The following FYN variants were observed in gnomAD, a reference collection of about 807,000 sequenced individuals.
The protein encoded by FYN is FYN proto-oncogene, Src family tyrosine kinase.
FYN carries 10 observed loss-of-function variants against 70.2 expected under a neutral mutation model. That is an observed-to-expected ratio of 0.14 (90% CI 0.09 to 0.24). The LOEUF is 0.24. Ranked by LOEUF, FYN falls within the 10% of genes least tolerant of loss-of-function variation. The pLI, the probability that FYN is intolerant of heterozygous loss-of-function variation, is 1.00. For synonymous variants in FYN, 236 were observed against 248.6 expected (o/e 0.95, Z 0.48); for missense variants, 319 against 673.1 (o/e 0.47, Z 5.82).
At chr6:111,769,549 G>C (rs1249839870) in intron 3 of FYN, among the ~76,000 whole-genome samples, 1 of 152,058 alleles carries the variant, frequency 6.6e-6, no homozygotes, top group Non-Finnish European at 1.5e-5. Context: ...TGACATATTG[G>C]GAGACTATTT....
intron 2 of FYN, among the ~76,000 whole-genome samples, chr6:111,797,665 C>CAT (rs57984132): frequency 0.017 from 1,513 of 90,370 alleles, 32 homozygotes; most frequent in Non-Finnish European, 0.03. Context: ...ATCAAAGTTT[C>CAT]ATATATATAT....
chr6:111,709,466 G>T (rs1167157681), intron 5 of FYN, among the ~76,000 whole-genome samples: 1 of 152,190 alleles, frequency 6.6e-6, no homozygotes, highest in Non-Finnish European at 1.5e-5. Context: ...TGGGGGTGCT[G>T]CTGTGGGAAA....
Position 111,691,266 on chromosome 6 carries a change from G to C in FYN, c.1273+3109C>G, listed in dbSNP as rs547029811. On this transcript the variant is annotated intron_variant, in intron 12 of 13. Coordinates refer to ENST00000354650, the MANE Select transcript of FYN (RefSeq NM_002037.5). ...CCAGCTCCACACTCCAATTCTGCTT[G>C]TGCCCTATGCAATGCCACCTCATCT... 7.3e-4 allele frequency among the ~76,000 whole-genome samples: 111 copies of C among 152,300 alleles called. 1 individual carries two copies. In the South Asian group the frequency reaches 0.021, roughly 29 times the overall value.
chr6:111,661,352 CT>C lies in FYN; in HGVS notation c.*386del, dbSNP rs879303037. The C allele has an allele frequency of 7.6e-3, 1,143 of 150,544 alleles. No homozygotes were observed. The highest frequency in any genetic ancestry group is 0.013 in the Middle Eastern group (4 of 298). 9.3% of individuals were successfully genotyped at this position (150,544 alleles called of 1,614,324 possible). On this transcript the variant is annotated 3_prime_UTR_variant, in exon 14 of 14. Coordinates refer to ENST00000354650, the MANE Select transcript of FYN (RefSeq NM_002037.5). The surrounding 1 kb of genome is among the most constrained non-coding windows in gnomAD (Gnocchi z 4.0). The stretch of plus-strand genomic sequence containing the variant: ...AAGAGGCCACTTTTGGAAAATAATA[CT>C]TTTTTTTTTTTAGTTGAATCAGGTG...
intron 3 of FYN, among the ~76,000 whole-genome samples, chr6:111,762,442 A>G (rs1311197823): frequency 6.6e-6 from 1 of 152,186 alleles, no homozygotes; most frequent in African/African-American, 2.4e-5. Context: ...GGTGGGGGTC[A>G]GATATGCCTT....
At chr6:111,863,931 T>A (rs34718281) in intron 1 of FYN, among the ~76,000 whole-genome samples, 1 of 152,182 alleles carries the variant, frequency 6.6e-6, no homozygotes. Flanking sequence ...TCCTTCCTTG[T>A]CTTCCAGAGC....
chr6:111,699,321 A>C (rs1158005070), intron 9 of FYN, among the ~76,000 whole-genome samples: 1 of 152,114 alleles, frequency 6.6e-6, no homozygotes, highest in Non-Finnish European at 1.5e-5. Flanking sequence ...CGGGTGCCTT[A>C]ATTAACCACA....
chr6:111,856,300 T>A (rs2114506126), intron 1 of FYN, among the ~76,000 whole-genome samples: 1 of 152,348 alleles, frequency 6.6e-6, no homozygotes, highest in South Asian at 2.1e-4. Flanking sequence ...TGAGAAATAT[T>A]GTGATGTACA....
chr6:111,756,808 CAGA>C (rs1802757485), intron 3 of FYN, among the ~76,000 whole-genome samples: 1 of 152,120 alleles, frequency 6.6e-6, no homozygotes, highest in Non-Finnish European at 1.5e-5. Flanking sequence ...AAACTAGGAT[CAGA>C]AGGGGACTTT....
chr6:111,872,815 C>T (rs1189708722), intron 1 of FYN, among the ~76,000 whole-genome samples, 153 bp downstream of exon 1: 2 of 151,644 alleles, frequency 1.3e-5, no homozygotes, highest in Non-Finnish European at 2.9e-5. Context: ...CCCCAAGCAC[C>T]GACTCCCCGG....
intron 3 of FYN, among the ~76,000 whole-genome samples, chr6:111,721,572 T>A (rs1800947043): frequency 6.6e-6 from 1 of 151,862 alleles, no homozygotes; most frequent in African/African-American, 2.4e-5. Context: ...CCCAGCTAAT[T>A]TTTTGTATTT....
At chr6:111,700,327 A>G in intron 8 of FYN, 59 bp from the exon 9 acceptor site, 1 of 1,575,330 alleles carries the variant, frequency 6.3e-7, no homozygotes. Flanking sequence ...TGTAATGACA[A>G]CACTCATAAG....
chr6:111,778,516 C>T (rs1771038523), intron 3 of FYN, among the ~76,000 whole-genome samples: 1 of 152,024 alleles, frequency 6.6e-6, no homozygotes, highest in Non-Finnish European at 1.5e-5. Flanking sequence ...CCTCCCTCCT[C>T]CCTCTCTCCT....
intron 13 of FYN, among the ~76,000 whole-genome samples, chr6:111,666,636 C>G (rs1299739345): frequency 1.3e-5 from 2 of 152,156 alleles, no homozygotes; most frequent in African/African-American, 4.8e-5. Context: ...AGTTCGAGAC[C>G]AGCGTGGGCA....
chr6:111,664,475 TAA>T (rs976874563), intron 13 of FYN, among the ~76,000 whole-genome samples: 2 of 151,524 alleles, frequency 1.3e-5, no homozygotes, highest in Non-Finnish European at 2.9e-5. Flanking sequence ...AGATTTCACT[TAA>T]AAAAAAAGTT....
At chr6:111,719,019 A>C (rs933110279) in intron 4 of FYN, among the ~76,000 whole-genome samples, 2 of 152,190 alleles carry the variant, frequency 1.3e-5, no homozygotes, top group Non-Finnish European at 2.9e-5. Flanking sequence ...GATTCTTTCA[A>C]ACTTTTATAT....
chr6:111,826,365 T>C (rs948478917), intron 2 of FYN, among the ~76,000 whole-genome samples: 11 of 147,572 alleles, frequency 7.5e-5, no homozygotes, highest in Non-Finnish European at 1.5e-4. Context: ...TATGTGTATA[T>C]GTGTATGTAT....
chr6:111,789,594 A>C (rs1388858911), intron 2 of FYN, among the ~76,000 whole-genome samples: 2 of 152,228 alleles, frequency 1.3e-5, no homozygotes, highest in Admixed American at 1.3e-4. Flanking sequence ...TGCTTCTATG[A>C]GACTCATGAG....
chr6:111,788,586 T>C (rs1479403112), intron 2 of FYN, among the ~76,000 whole-genome samples: 1 of 152,238 alleles, frequency 6.6e-6, no homozygotes, highest in Non-Finnish European at 1.5e-5. Flanking sequence ...ATGGCTATCC[T>C]GTGCAACATG....
Sources: gnomAD v4.1 joint callset for allele counts (sites outside exome capture counted in the v4.1 genomes callset) on GRCh38, gnomAD v4.1.1 for gene constraint, Gnocchi (gnomAD v3.1) non-coding constraint, MANE v1.5 for transcripts, NCBI Gene and HGNC (gene_info 2026-07-23, HGNC 2026-07-21) for gene names.